KCTD1: variants seen among roughly 807,000 people sequenced by gnomAD.
The protein encoded by KCTD1 is potassium channel tetramerization domain containing 1.
Under a neutral mutation model 66.0 loss-of-function variants are expected in KCTD1, and 24 were observed. The ratio of observed to expected loss-of-function variants is 0.36; its 90% confidence interval spans 0.26 to 0.51. KCTD1 has a LOEUF of 0.51. Ranked by LOEUF, KCTD1 falls within the 20% of genes least tolerant of loss-of-function variation. The pLI is 0.95. For missense variants in KCTD1, 943 were observed against 1,205.2 expected, an observed-to-expected ratio of 0.78 and a Z score of 3.22; for synonymous variants, 511 against 517.2, an observed-to-expected ratio of 0.99 and a Z score of 0.16.
intron 1 of KCTD1, among the ~76,000 whole-genome samples, chr18:26,597,058 TG>T (rs1318689210): frequency 1.3e-5 from 2 of 151,710 alleles, no homozygotes; most frequent in Non-Finnish European, 2.9e-5. Flanking sequence ...GGAGTCTCGG[TG>T]GGTAAAGAGA....
At chr18:26,554,663 A>T (rs1168435311) in intron 1 of KCTD1, among the ~76,000 whole-genome samples, 2 of 152,206 alleles carry the variant, frequency 1.3e-5, no homozygotes, top group Non-Finnish European at 2.9e-5. Flanking sequence ...GAGTAAACTT[A>T]ATGCAGTAAT....
At chr18:26,563,217 C>T (rs572457786) in intron 1 of KCTD1, among the ~76,000 whole-genome samples, 1 of 152,306 alleles carries the variant, frequency 6.6e-6, no homozygotes, top group South Asian at 2.1e-4. Flanking sequence ...GCACCACCCA[C>T]AGGAGAGTGG....
rs1985243763 is a variant in KCTD1 at position 26,546,798 on chromosome 18, GGAA to G, written c.1736_1738del (p.Leu579del). ...GGTGCTTCTGTGCCCATTGGCTTCT[GGAA>G]GAAGAGGCAGGGGGTCGTGTTTCAC... On this transcript the variant is annotated inframe_deletion, in exon 1 of 5. Transcript: ENST00000580059. The G allele has an allele frequency of 6.5e-7, 1 of 1,548,376 alleles. No individual in the cohort carries two copies. Among genetic ancestry groups the G allele is most frequent in the Admixed American group, 2.0e-5 (1 of 50,308 alleles).
At chr18:26,510,091 G>C (rs1186342235) in intron 1 of KCTD1, among the ~76,000 whole-genome samples, 2 of 152,174 alleles carry the variant, frequency 1.3e-5, no homozygotes, top group African/African-American at 4.8e-5. Context: ...GCCTTCTATG[G>C]GCCTAGCGAG....
chr18:26,573,721 T>A (rs1434988615), intron 1 of KCTD1, among the ~76,000 whole-genome samples: 1 of 152,224 alleles, frequency 6.6e-6, no homozygotes, highest in Admixed American at 6.5e-5. Flanking sequence ...TGTCTACATG[T>A]GTATGGTAGT....
intron 2 of KCTD1, among the ~76,000 whole-genome samples, chr18:26,485,000 C>G (rs577538158): frequency 1.3e-5 from 2 of 152,312 alleles, no homozygotes; most frequent in East Asian, 3.9e-4. Flanking sequence ...CGCCATTATT[C>G]ACAAGAGTTT....
chr18:26,462,827 C>CTGTT (rs1980509566), intron 3 of KCTD1, among the ~76,000 whole-genome samples: 1 of 152,154 alleles, frequency 6.6e-6, no homozygotes, highest in African/African-American at 2.4e-5. Flanking sequence ...TAGTGTGTTT[C>CTGTT]TGTTAGGTTC....
upstream of KCTD1, among the ~76,000 whole-genome samples, chr18:26,642,747 GA>G (rs1263116754): frequency 4.6e-5 from 7 of 152,208 alleles, no homozygotes; most frequent in Non-Finnish European, 8.8e-5. Context: ...GATCCCAAGA[GA>G]AGTTAAAAAT....
rs924152572 is a variant in KCTD1 at position 26,655,510 on chromosome 18, T to G, written c.9+1850A>C. 2.6e-5 allele frequency among the ~76,000 whole-genome samples: 4 copies of G among 152,290 alleles called. No individual in the cohort carries two copies. In the South Asian group the frequency reaches 6.2e-4, roughly 24 times the overall value. ...GGATTTGCTTGAAAGCAGCCAGTTC[T>G]ATTATCTAAAAGGTAATACATTTGT... On this transcript the variant is annotated intron_variant, in intron 1 of 4. Coordinates refer to the KCTD1 transcript ENST00000580191.
At chr18:26,479,190 G>A (rs1981499973) in intron 2 of KCTD1, among the ~76,000 whole-genome samples, 1 of 152,256 alleles carries the variant, frequency 6.6e-6, no homozygotes, top group African/African-American at 2.4e-5. Flanking sequence ...GAATAACCTA[G>A]AGGCCGCCTG....
chr18:26,515,141 GAA>G (rs1024716356), intron 1 of KCTD1, among the ~76,000 whole-genome samples: 38 of 152,188 alleles, frequency 2.5e-4, no homozygotes, highest in African/African-American at 9.2e-4. Flanking sequence ...TGACTGGGAA[GAA>G]AAGTTTCCTA....
chr18:26,461,878 GGCC>G (rs1980452142), intron 3 of KCTD1, among the ~76,000 whole-genome samples: 2 of 152,228 alleles, frequency 1.3e-5, no homozygotes, highest in Admixed American at 6.5e-5. Flanking sequence ...CACTTTGGGA[GGCC>G]GAGGCAGGTG....
intron 1 of KCTD1, among the ~76,000 whole-genome samples, chr18:26,584,112 C>T (rs1251124781): frequency 6.6e-6 from 1 of 152,072 alleles, no homozygotes; most frequent in Non-Finnish European, 1.5e-5. Context: ...TATGAAAGAC[C>T]AGGGTTCTGA....
intron 1 of KCTD1, among the ~76,000 whole-genome samples, chr18:26,527,217 G>A (rs1011379777): frequency 6.6e-6 from 1 of 152,116 alleles, no homozygotes; most frequent in African/African-American, 2.4e-5. Flanking sequence ...CCTGCCAGAG[G>A]AGGGAAAAAA....
chr18:26,570,764 G>A (rs1020882847), intron 1 of KCTD1, among the ~76,000 whole-genome samples: 10 of 152,074 alleles, frequency 6.6e-5, no homozygotes, highest in African/African-American at 2.4e-4. Flanking sequence ...ATTTACCATG[G>A]GGTTACCTCC....
In KCTD1 at chr18:26,548,345, G is replaced by GTCCTCC; in HGVS notation, c.186_191dup (p.Glu62_Glu63dup). 1 of 1,482,512 alleles carries GTCCTCC rather than the reference G, an allele frequency of 6.7e-7. No individual in the cohort carries two copies. Among genetic ancestry groups the GTCCTCC allele is most frequent in the Non-Finnish European group, 8.9e-7 (1 of 1,117,686 alleles). The allele number at this position is 1,482,512 out of a possible 1,614,324, so 91.8% of individuals were successfully genotyped here. ...CCGTTATCTGCACCTCCTGGATCTCGTCCTCCTCCTCCTCTTCCTCCTCCT... is the reference window on the plus strand; with the variant it reads ...CCGTTATCTGCACCTCCTGGATCTCGTCCTCCTCCTCCTCCTCCTCTTCCTCCTCCT... On this transcript the variant is annotated inframe_insertion, in exon 1 of 5. Coordinates refer to ENST00000580059, the MANE Select transcript of KCTD1 (RefSeq NM_001142730.3).
At chr18:26,522,958 T>C (rs1426181710) in intron 1 of KCTD1, among the ~76,000 whole-genome samples, 1 of 152,234 alleles carries the variant, frequency 6.6e-6, no homozygotes, top group Non-Finnish European at 1.5e-5. Flanking sequence ...TACTGCTCCA[T>C]GAATCTGGAA....
intron 1 of KCTD1, among the ~76,000 whole-genome samples, chr18:26,623,841 T>C (rs934894252): frequency 6.6e-6 from 1 of 152,200 alleles, no homozygotes; most frequent in South Asian, 2.1e-4. Context: ...GTGGGAAATT[T>C]TGGAGCTTCC....
intron 1 of KCTD1, among the ~76,000 whole-genome samples, chr18:26,622,769 G>A (rs1429283603): frequency 6.6e-6 from 1 of 152,094 alleles, no homozygotes; most frequent in Non-Finnish European, 1.5e-5. Flanking sequence ...GGTAGAGAGG[G>A]GGTGGCGGAA....
Sources: allele counts gnomAD v4.1 joint callset (sites outside exome capture counted in the v4.1 genomes callset), GRCh38; gene constraint gnomAD v4.1.1; transcripts MANE v1.5; gene names NCBI Gene and HGNC (gene_info 2026-07-23, HGNC 2026-07-21).